The following CSMD1 variants were observed in gnomAD, a reference collection of about 807,000 sequenced individuals.
CSMD1 encodes CUB and sushi domain-containing protein 1.
A neutral mutation model predicts 417.5 loss-of-function variants in CSMD1; 213 were observed. That is an observed-to-expected ratio of 0.51 (90% confidence interval 0.46 to 0.57). The LOEUF is 0.57. Ranked by LOEUF, CSMD1 falls within the 20% of genes least tolerant of loss-of-function variation. CSMD1 has a pLI of 0.00. For missense variants in CSMD1, 6,923 were observed against 4,529.7 expected (o/e 1.53, Z -15.17); for synonymous variants, 2,862 against 1,736.8 (o/e 1.65, Z -16.11).
chr8:4,525,901 G>C (rs1266506106), intron 2 of CSMD1, among the ~76,000 whole-genome samples: 1 of 152,094 alleles, frequency 6.6e-6, no homozygotes, highest in East Asian at 1.9e-4. Context: ...TGAATGATAA[G>C]TGCAGGCCTT....
intron 18 of CSMD1, among the ~76,000 whole-genome samples, chr8:3,386,268 T>G (rs765120807): frequency 6.6e-6 from 1 of 152,350 alleles, no homozygotes; most frequent in East Asian, 1.9e-4. Context: ...CCTGCGTTGC[T>G]TGGCCAGTGG....
intron 23 of CSMD1, among the ~76,000 whole-genome samples, chr8:3,333,482 T>C (rs1176936535): frequency 6.6e-6 from 1 of 152,246 alleles, no homozygotes; most frequent in African/African-American, 2.4e-5. Flanking sequence ...TTAACAGCTA[T>C]GTAAAAACAA....
intron 26 of CSMD1, among the ~76,000 whole-genome samples, chr8:3,249,840 T>C (rs1027861049): frequency 3.3e-5 from 5 of 152,230 alleles, no homozygotes; most frequent in African/African-American, 1.2e-4. Context: ...ATTTTGCAAA[T>C]GGCTAATGGC....
At chr8:3,489,623 C>T (rs147704547) in intron 11 of CSMD1, among the ~76,000 whole-genome samples, 3 of 152,288 alleles carry the variant, frequency 2.0e-5, no homozygotes, top group Non-Finnish European at 2.9e-5. Flanking sequence ...ACCCAAGTTC[C>T]TTCAACCACC....
At chr8:4,533,764 T>A (rs1288124368) in intron 2 of CSMD1, among the ~76,000 whole-genome samples, 1 of 151,624 alleles carries the variant, frequency 6.6e-6, no homozygotes, top group Non-Finnish European at 1.5e-5. Context: ...ACAGTGGGAG[T>A]ATTTTAATAA....
chr8:3,917,473 T>A (rs921464256), intron 5 of CSMD1, among the ~76,000 whole-genome samples: 7 of 152,116 alleles, frequency 4.6e-5, no homozygotes, highest in African/African-American at 1.7e-4. Flanking sequence ...TTCCTGCTAC[T>A]ATGGCTGAAA....
intron 7 of CSMD1, among the ~76,000 whole-genome samples, chr8:3,633,125 C>T (rs144249120): frequency 3.0e-4 from 45 of 152,296 alleles, no homozygotes; most frequent in African/African-American, 1.0e-3. Context: ...ATTTCTCTAA[C>T]TTTATGTTAC....
In CSMD1 at chr8:3,881,364, G is replaced by A. The variant is rs190846890; in HGVS notation, c.818+116539C>T. 5.9e-3 allele frequency among the ~76,000 whole-genome samples: 889 copies of A among 150,866 alleles called. 7 individuals carry two copies. Among genetic ancestry groups the A allele is most frequent in the Admixed American group, 7.0e-3 (107 of 15,192 alleles). ...TAAAAAGCAAGTTGGGGCCGGGTGC[G>A]GTGGCTTATGCCTATAATCCCAGCA... On this transcript the variant is annotated intron_variant, in intron 5 of 69. Transcript: ENST00000635120.
At chr8:4,016,828 T>C (rs1021376876) in intron 4 of CSMD1, among the ~76,000 whole-genome samples, 2 of 152,210 alleles carry the variant, frequency 1.3e-5, no homozygotes, top group Admixed American at 6.5e-5. Context: ...ATGAGGTTGT[T>C]GGAAGTCATG....
At chr8:4,439,340 A>G (rs551959309) in intron 2 of CSMD1, among the ~76,000 whole-genome samples, 1 of 152,160 alleles carries the variant, frequency 6.6e-6, no homozygotes, top group African/African-American at 2.4e-5. Flanking sequence ...TAATTATTCA[A>G]AATTAAAGAA....
intron 3 of CSMD1, among the ~76,000 whole-genome samples, chr8:4,091,967 C>T (rs751901525): frequency 1.3e-5 from 2 of 152,154 alleles, no homozygotes; most frequent in African/African-American, 2.4e-5. Context: ...TCACGTAACT[C>T]TGCTAAGACA....
intron 2 of CSMD1, among the ~76,000 whole-genome samples, chr8:4,539,895 G>C (rs1797294283): frequency 1.3e-5 from 2 of 152,112 alleles, no homozygotes; most frequent in African/African-American, 4.8e-5. Flanking sequence ...CAGAGAGGTT[G>C]GGTGTGCGGA....
At chr8:4,598,725 G>A (rs528410385) in intron 2 of CSMD1, among the ~76,000 whole-genome samples, 1 of 152,278 alleles carries the variant, frequency 6.6e-6, no homozygotes, top group Admixed American at 6.5e-5. Flanking sequence ...GTGGGTACTG[G>A]TACTCAGTTT....
intron 7 of CSMD1, among the ~76,000 whole-genome samples, chr8:3,631,182 C>T (rs1397820906): frequency 6.6e-6 from 1 of 152,196 alleles, no homozygotes; most frequent in African/African-American, 2.4e-5. Flanking sequence ...AGGACTCCTT[C>T]CCCTTCTCTA....
In CSMD1 at chr8:4,468,733, C is replaced by T. The variant is rs192714211; in HGVS notation, c.303-48668G>A. Among the ~76,000 whole-genome samples the T allele has an allele frequency of 1.3e-4, 20 of 152,254 alleles. No homozygotes were observed. The East Asian group carries it at 3.3e-3, about 25-fold the overall frequency. On this transcript the variant is annotated intron_variant, in intron 2 of 69. Coordinates refer to ENST00000635120, the MANE Select transcript of CSMD1 (RefSeq NM_033225.6). ...ATTCAAAAACATTGCTTAGGGAGAG[C>T]CTACTCTGGGCTTGCTTCTATGTCT...
At chr8:4,876,090 A>G (rs1367537188) in intron 1 of CSMD1, among the ~76,000 whole-genome samples, 1 of 152,230 alleles carries the variant, frequency 6.6e-6, no homozygotes, top group East Asian at 1.9e-4. Context: ...TGAGTATAAC[A>G]AAAAAGTACA....
intron 2 of CSMD1, among the ~76,000 whole-genome samples, chr8:4,512,772 A>C (rs1802892470): frequency 7.2e-6 from 1 of 138,886 alleles, no homozygotes; most frequent in Non-Finnish European, 1.6e-5. Flanking sequence ...TAAAACTCTG[A>C]ATTAAAAAAA....
rs1032637086 is a variant in CSMD1, at chr8:3,894,831, G to T, written c.818+103072C>A. On this transcript the variant is annotated intron_variant, in intron 5 of 69. Coordinates refer to ENST00000635120, the MANE Select transcript of CSMD1 (RefSeq NM_033225.6). ...CTCTAATTCAAATTCACTGACAAGG[G>T]TTTGCTCTGGCTCTATTCTAAAGGA... Among the ~76,000 whole-genome samples the T allele has an allele frequency of 2.6e-5, 4 of 152,134 alleles. 1 individual carries two copies. Among genetic ancestry groups the T allele is most frequent in the Non-Finnish European group, 2.9e-5 (2 of 68,036 alleles).
intron 62 of CSMD1, among the ~76,000 whole-genome samples, chr8:2,960,142 C>A (rs1563181938): frequency 6.6e-6 from 1 of 152,172 alleles, no homozygotes; most frequent in Non-Finnish European, 1.5e-5. Context: ...AGAGCGACAT[C>A]CATATATAGT....
Sources: allele counts gnomAD v4.1 joint callset (sites outside exome capture counted in the v4.1 genomes callset), GRCh38; gene constraint gnomAD v4.1.1; transcripts MANE v1.5; gene names NCBI Gene and HGNC (gene_info 2026-07-23, HGNC 2026-07-21).